Variants in PLAT observed in about 807,000 individuals in gnomAD.
PLAT encodes the protein plasminogen activator, tissue type.
Under a neutral mutation model 74.9 loss-of-function variants are expected in PLAT, and 48 were observed. That is an observed-to-expected ratio of 0.64 (90% CI 0.51 to 0.82). PLAT has a LOEUF of 0.82. Ranked by LOEUF, PLAT falls within the 40% of genes least tolerant of loss-of-function variation. PLAT has a pLI of 0.00. For missense variants in PLAT, 673 were observed against 736.2 expected (o/e 0.91, Z 0.99); for synonymous variants, 307 against 294.4 (o/e 1.04, Z -0.44).
intron 9 of PLAT, among the ~76,000 whole-genome samples, chr8:42,181,700 A>T (rs1805245854): frequency 6.6e-6 from 1 of 152,216 alleles, no homozygotes. Flanking sequence ...CTGACTTCTC[A>T]GAGAGGTTGC....
intron 3 of PLAT, among the ~76,000 whole-genome samples, chr8:42,190,538 C>G (rs971041110): frequency 6.6e-6 from 1 of 152,156 alleles, no homozygotes; most frequent in Non-Finnish European, 1.5e-5. Flanking sequence ...TAAGTCAGAC[C>G]CTTGCTGCTT....
chr8:42,180,204 A>G, intron 11 of PLAT, 38 bp downstream of exon 11: 1 of 1,612,660 alleles, frequency 6.2e-7, no homozygotes, highest in Non-Finnish European at 8.5e-7. Flanking sequence ...GTGTTGTGTG[A>G]TCTGTATGAA....
intron 6 of PLAT, chr8:42,186,064 C>A (rs1361920113): frequency 1.3e-5 from 2 of 152,062 alleles, no homozygotes; most frequent in Non-Finnish European, 2.9e-5. Flanking sequence ...TCTCAGGACC[C>A]CAACGTCATG....
At chr8:42,182,619 TG>T in intron 8 of PLAT, 99 bp downstream of exon 8, 2 of 846,362 alleles carry the variant, frequency 2.4e-6, no homozygotes, top group Non-Finnish European at 1.9e-6. Flanking sequence ...TCCCACGCAC[TG>T]GGTCTGTCAT....
chr8:42,182,058 C>T, intron 8 of PLAT, 36 bp from the exon 9 acceptor site: 1 of 1,358,904 alleles, frequency 7.4e-7, no homozygotes, highest in South Asian at 1.2e-5. Flanking sequence ...TCCTTTTTAT[C>T]TTCTTATTTT....
At chr8:42,182,240 C>T in intron 8 of PLAT, 2 of 454,482 alleles carry the variant, frequency 4.4e-6, no homozygotes, top group South Asian at 4.2e-5. Flanking sequence ...ACATCACAGG[C>T]CATGTAAGAG....
chr8:42,178,655 G>A (rs748995747), intron 13 of PLAT, among the ~76,000 whole-genome samples: 4 of 152,238 alleles, frequency 2.6e-5, no homozygotes, highest in Non-Finnish European at 4.4e-5. Context: ...TCCTGTACAG[G>A]TGGAGTTGCC....
At chr8:42,195,086 C>G (rs970582157) in intron 1 of PLAT, among the ~76,000 whole-genome samples, 4 of 152,164 alleles carry the variant, frequency 2.6e-5, no homozygotes, top group Non-Finnish European at 5.9e-5. Flanking sequence ...CATTTCCCTT[C>G]GGTCACAACA....
At chr8:42,189,896 G>A (rs1805620168) in intron 3 of PLAT, among the ~76,000 whole-genome samples, 1 of 150,434 alleles carries the variant, frequency 6.6e-6, no homozygotes, top group African/African-American at 2.5e-5. Context: ...ACCGTGCCCA[G>A]CCTAATTTTT....
chr8:42,203,433 C>T (rs945599848), intron 1 of PLAT, among the ~76,000 whole-genome samples: 1 of 152,198 alleles, frequency 6.6e-6, no homozygotes, highest in Non-Finnish European at 1.5e-5. Context: ...ATAGGAAGAA[C>T]AGCTGGCTAG....
chr8:42,181,958 A>G lies in PLAT; in HGVS notation c.868T>C (p.Tyr290His). The change falls in exon 9 of 14, where the codon TAC (tyrosine) becomes CAC (histidine). Residue 290 changes from tyrosine (Y) to histidine (H), a missense_variant. By Grantham distance (83) the Tyr-to-His change is moderately conservative. Coordinates refer to ENST00000220809, the MANE Select transcript of PLAT (RefSeq NM_000930.5). The stretch of plus-strand genomic sequence containing the variant: ...TTACAGCAGGAGGGCACATCACAGT[A>G]CTCCCACGTCAGCCTGCGGTTCTTC... Reference protein sequence around the residue: ...VLKNRRLTWEYCDVPSCSTCG... With the variant: ...VLKNRRLTWEHCDVPSCSTCG... 2 of 1,610,950 alleles carry G rather than the reference A, an allele frequency of 1.2e-6. No individual in the cohort carries two copies. Among genetic ancestry groups the G allele is most frequent in the Non-Finnish European group, 1.7e-6 (2 of 1,177,396 alleles).
rs933172127 is a variant in PLAT at position 42,178,914 on chromosome 8, A to G, written c.1513T>C (p.Leu505=). The G allele has an allele frequency of 6.2e-7, 1 of 1,613,350 alleles. No individual in the cohort carries two copies. ...CTGGTTACCTGGCAGGCGTCGTGCA[A>G]GTTTGCCTGGGGCCCGCCGCTCCGA... is the stretch of plus-strand genomic sequence containing the variant. The part of the protein sequence containing the change: ...DTRSGGPQAN[L]HDACQGDSGG... Residue 505 remains leucine, a synonymous_variant, in exon 13 of 14, where the codon TTG becomes CTG. Coordinates refer to ENST00000220809, the MANE Select transcript of PLAT (RefSeq NM_000930.5).
rs938121347 is a variant in PLAT at position 42,191,514 on chromosome 8, T to C, written c.73-100A>G. ...AGCCCATGTGAACCTGCCGGCCAGA[T>C]ACCTCTGCTCAGAGACCCCCTCGGG... On this transcript the variant is annotated intron_variant, in intron 2 of 13. Transcript: ENST00000220809. 8 of 1,024,792 alleles carry C rather than the reference T, an allele frequency of 7.8e-6. No individual in the cohort carries two copies. In the African/African-American group the frequency reaches 1.1e-4, roughly 14 times the overall value. 63.5% of individuals were successfully genotyped at this position (1,024,792 alleles called of 1,614,324 possible).
At chr8:42,182,963 G>A in intron 7 of PLAT, 73 bp from the exon 8 acceptor site, 1 of 1,287,234 alleles carries the variant, frequency 7.8e-7, no homozygotes, top group Non-Finnish European at 1.1e-6. Context: ...GGGGCTTGAA[G>A]CGGAGCTGCC....
intron 1 of PLAT, among the ~76,000 whole-genome samples, chr8:42,206,464 G>T (rs1321919059): frequency 6.6e-6 from 1 of 152,136 alleles, no homozygotes; most frequent in African/African-American, 2.4e-5. Context: ...CCTTTGAGGG[G>T]ACTCCACCTG....
chr8:42,202,597 C>T (rs908200016), intron 1 of PLAT, among the ~76,000 whole-genome samples: 3 of 150,376 alleles, frequency 2.0e-5, no homozygotes, highest in Non-Finnish European at 3.0e-5. Context: ...TCACCATCAA[C>T]GTGTATGGAG....
rs779122818 is a variant in PLAT, at chr8:42,180,050, T to C, written c.1239A>G (p.Lys413=). 1.2e-5 allele frequency: 19 copies of C among 1,607,400 alleles called. No individual in the cohort carries two copies. The highest frequency in any genetic ancestry group is 1.6e-5 in the Non-Finnish European group (19 of 1,175,566). ...CCTGGGCACAGCGGGACGAATCCGA[T>C]TTCAGCTGCAGCAGCGCTGGGAGGG... ...YDNDIALLQL[K]SDSSRCAQES... Residue 413 remains lysine (K), a synonymous_variant, in exon 12 of 14, where the codon AAA becomes AAG. Coordinates refer to ENST00000220809, the MANE Select transcript of PLAT (RefSeq NM_000930.5).
chr8:42,199,170 TCTTAA>T (rs1806033173), intron 1 of PLAT, among the ~76,000 whole-genome samples: 1 of 152,230 alleles, frequency 6.6e-6, no homozygotes, highest in East Asian at 1.9e-4. Context: ...CATAAGTAAT[TCTTAA>T]CTTTTCGAAA....
chr8:42,199,835 G>GA (rs1481447050), intron 1 of PLAT, among the ~76,000 whole-genome samples: 1 of 152,220 alleles, frequency 6.6e-6, no homozygotes, highest in Admixed American at 6.5e-5. Flanking sequence ...AACAAGCCCT[G>GA]AAATCTAAAG....
Sources: allele counts gnomAD v4.1 joint callset (sites outside exome capture counted in the v4.1 genomes callset), GRCh38; gene constraint gnomAD v4.1.1; transcripts MANE v1.5; gene names NCBI Gene and HGNC (gene_info 2026-07-23, HGNC 2026-07-21).